The following AFAP1L2 variants were observed in gnomAD, a reference collection of about 807,000 sequenced individuals.
AFAP1L2 encodes the protein actin filament-associated protein 1-like 2.
AFAP1L2 carries 46 observed loss-of-function variants against 99.3 expected under a neutral mutation model. The ratio of observed to expected loss-of-function variants is 0.46; its 90% confidence interval spans 0.37 to 0.59. The LOEUF (loss-of-function observed/expected upper bound fraction) is 0.59, where lower values mean the gene tolerates loss of function less well. AFAP1L2 is among the 20% of genes least tolerant of loss of function. AFAP1L2 has a pLI of 0.00. For missense variants in AFAP1L2, 959 were observed against 1,034.9 expected (o/e 0.93, Z 1.01); for synonymous variants, 397 against 419.1 (o/e 0.95, Z 0.64).
intron 7 of AFAP1L2, among the ~76,000 whole-genome samples, chr10:114,313,059 G>A (rs963225346): frequency 6.6e-6 from 1 of 152,034 alleles, no homozygotes; most frequent in African/African-American, 2.4e-5. Context: ...CAGGTGGAGT[G>A]GGGTGGGGTG....
Position 114,327,147 on chromosome 10 carries a change from TTATA to T in AFAP1L2, c.316-3890_316-3887del, listed in dbSNP as rs369500918. ...TGAAGACCGTGAATTTTATATATAT[TTATA>T]TATATATATATATATATATATATTT... On this transcript the variant is annotated intron_variant, in intron 4 of 18. Coordinates refer to ENST00000304129, the MANE Select transcript of AFAP1L2 (RefSeq NM_001001936.3). Among the ~76,000 whole-genome samples, 153 of 54,522 alleles carry T rather than the reference TTATA, an allele frequency of 2.8e-3. 12 individuals carry two copies. Among genetic ancestry groups the T allele is most frequent in the Admixed American group, 4.4e-3 (17 of 3,860 alleles). The allele number at this position is 54,522 out of a possible 152,430, so 35.8% of individuals were successfully genotyped here.
At chr10:114,385,603 C>G (rs1048883565) in intron 1 of AFAP1L2, among the ~76,000 whole-genome samples, 3 of 152,152 alleles carry the variant, frequency 2.0e-5, no homozygotes, top group African/African-American at 7.2e-5. Flanking sequence ...GTCTTCCATC[C>G]TCAGAATCAG....
intron 3 of AFAP1L2, among the ~76,000 whole-genome samples, chr10:114,332,472 C>T (rs1050610929): frequency 5.3e-5 from 8 of 152,230 alleles, no homozygotes; most frequent in African/African-American, 1.7e-4. Flanking sequence ...CAGGCAGGCC[C>T]GATATCGGGG....
chr10:114,328,960 C>A (rs1350590220), intron 4 of AFAP1L2, among the ~76,000 whole-genome samples: 1 of 152,192 alleles, frequency 6.6e-6, no homozygotes, highest in Admixed American at 6.5e-5. Context: ...AGTCCACACC[C>A]GTCTCTGGTC....
intron 16 of AFAP1L2, among the ~76,000 whole-genome samples, chr10:114,297,880 C>T (rs2040509854): frequency 6.6e-6 from 1 of 152,144 alleles, no homozygotes; most frequent in Non-Finnish European, 1.5e-5. Context: ...GTTGATGCTG[C>T]CACACCGTGA....
intron 1 of AFAP1L2, among the ~76,000 whole-genome samples, chr10:114,403,082 A>T (rs1215183046): frequency 6.6e-6 from 1 of 152,234 alleles, no homozygotes; most frequent in Non-Finnish European, 1.5e-5. Flanking sequence ...TTCAAGCACA[A>T]AACTGACGTG....
At chr10:114,364,442 T>G (rs1034237056) in intron 1 of AFAP1L2, among the ~76,000 whole-genome samples, 1 of 152,162 alleles carries the variant, frequency 6.6e-6, no homozygotes, top group African/African-American at 2.4e-5. Context: ...CCCTGGAGTT[T>G]GCTGGTCATC....
chr10:114,302,201 T>TGGCTTCACATTTTCCTGCTGCTG (rs1192717943), intron 12 of AFAP1L2, 138 bp downstream of exon 12: 1 of 1,305,446 alleles, frequency 7.7e-7, no homozygotes, highest in Non-Finnish European at 1.1e-6. Flanking sequence ...GGCTACTCCT[T>TGGCTTCACATTTTCCTGCTGCTG]GGCTTCACAT....
chr10:114,382,208 T>C (rs1245191918), intron 1 of AFAP1L2, among the ~76,000 whole-genome samples: 2 of 152,192 alleles, frequency 1.3e-5, no homozygotes, highest in Non-Finnish European at 2.9e-5. Context: ...ATAACCTACA[T>C]GCAAGGCAAT....
intron 1 of AFAP1L2, among the ~76,000 whole-genome samples, chr10:114,342,197 C>A (rs999887159): frequency 3.4e-4 from 51 of 152,200 alleles, no homozygotes; most frequent in African/African-American, 1.2e-3. Context: ...ACCAATCATT[C>A]CTTTAGAGAA....
intron 17 of AFAP1L2, 30 bp from the exon 18 acceptor site, chr10:114,297,130 A>G: frequency 1.2e-6 from 2 of 1,612,798 alleles, no homozygotes; most frequent in Non-Finnish European, 1.7e-6. Context: ...GCAAGGGCTG[A>G]GTCAAGGGGA....
upstream of AFAP1L2, chr10:114,404,760 C>T: frequency 3.2e-6 from 1 of 314,406 alleles, no homozygotes. Context: ...TTGGCACTCC[C>T]TTCACGTCTT....
intron 1 of AFAP1L2, among the ~76,000 whole-genome samples, chr10:114,376,014 T>C (rs2475246): frequency 0.92 from 139,644 of 152,200 alleles, 65,006 homozygotes; most frequent in East Asian, 1. Context: ...ATTTTCTAAT[T>C]TCATACTCCA....
At position 114,314,188 on chromosome 10, in the gene AFAP1L2, C is replaced by T. The variant is rs554359484; in HGVS notation, c.613-138G>A. 8.0e-6 allele frequency: 6 copies of T among 754,552 alleles called. No individual in the cohort carries two copies. The South Asian group carries it at 1.1e-4, about 13-fold the overall frequency. The allele number at this position is 754,552 out of a possible 1,614,324, so 46.7% of individuals were successfully genotyped here. A position where few individuals can be genotyped will look rare whatever the true frequency, so the allele number is the denominator to read the frequency against. ...CCAGCAAGACTAAGAGGCTGGACAC[C>T]CCGAAGCAGGCCTGGAGCCTTAACC... On this transcript the variant is annotated intron_variant, in intron 6 of 18. Transcript: ENST00000304129.
At chr10:114,318,748 G>GAAAAAAATAA (rs71473039) in intron 5 of AFAP1L2, among the ~76,000 whole-genome samples, 1 of 118,924 alleles carries the variant, frequency 8.4e-6, no homozygotes, top group Non-Finnish European at 1.7e-5. Flanking sequence ...CTAAAAAAAA[G>GAAAAAAATAA]AAAAAAAAAA....
intron 1 of AFAP1L2, among the ~76,000 whole-genome samples, chr10:114,394,802 G>A (rs528082345): frequency 5.3e-5 from 8 of 152,124 alleles, no homozygotes; most frequent in South Asian, 2.1e-4. Flanking sequence ...GGATATTACC[G>A]ACTTGAACCA....
chr10:114,288,023 A>T, the AFAP1L2 span, among the ~76,000 whole-genome samples: 4 of 152,274 alleles, frequency 2.6e-5, no homozygotes, highest in African/African-American at 9.6e-5. Context: ...TCAGAGCATC[A>T]GCTCCTCTAA....
the AFAP1L2 span, among the ~76,000 whole-genome samples, chr10:114,287,478 C>A: frequency 6.6e-6 from 1 of 152,248 alleles, no homozygotes; most frequent in East Asian, 1.9e-4. Flanking sequence ...AAATGTAAGC[C>A]TTTATAGGGC....
At chr10:114,361,743 T>C (rs1013913202) in intron 1 of AFAP1L2, among the ~76,000 whole-genome samples, 5 of 152,194 alleles carry the variant, frequency 3.3e-5, no homozygotes, top group African/African-American at 1.2e-4. Context: ...CAAATATGTA[T>C]GGAGCACCTA....
Sources: allele counts gnomAD v4.1 joint callset (sites outside exome capture counted in the v4.1 genomes callset), GRCh38; gene constraint gnomAD v4.1.1; transcripts MANE v1.5; gene names NCBI Gene and HGNC (gene_info 2026-07-23, HGNC 2026-07-21).